Variants in ASIC2 observed in about 807,000 individuals in gnomAD.
ASIC2 encodes acid sensing ion channel subunit 2, also known as acid-sensing ion channel 2.
In ASIC2, 25 loss-of-function variants were observed where a neutral mutation model predicts 57.3. That is an observed-to-expected ratio of 0.44 (90% CI 0.32 to 0.61). The LOEUF (loss-of-function observed/expected upper bound fraction) is 0.61. Among genes scored for constraint, ASIC2 ranks in the 20% least tolerant of loss-of-function variants. ASIC2 has a pLI of 0.06. For synonymous variants in ASIC2, 319 were observed against 307.5 expected (o/e 1.04, Z -0.39); for missense variants, 641 against 738.1 (o/e 0.87, Z 1.52).
chr17:33,203,623 A>G (rs2142080776), intron 1 of ASIC2, among the ~76,000 whole-genome samples: 1 of 151,978 alleles, frequency 6.6e-6, no homozygotes, highest in Non-Finnish European at 1.5e-5. Context: ...AATGACCATC[A>G]GTGGCCTCTT....
intron 1 of ASIC2, among the ~76,000 whole-genome samples, chr17:33,180,361 G>T (rs958897694): frequency 6.6e-6 from 1 of 152,222 alleles, no homozygotes; most frequent in Admixed American, 6.5e-5. Context: ...AGGGTAACCA[G>T]ACAGTGCCTT....
In ASIC2 at chr17:33,741,981, C is replaced by T. The variant is rs139771035; in HGVS notation, c.555+413997G>A. On this transcript the variant is annotated intron_variant, in intron 1 of 9. Transcript: ENST00000359872. ...CTGTTATTCCTACCATGAGGAAAGG[C>T]CAGTGGTCAAAGGTCTAGGCCTGGC... Among the ~76,000 whole-genome samples the T allele has an allele frequency of 3.7e-4, 56 of 152,310 alleles. No homozygotes were observed. In the East Asian group the frequency reaches 0.01, roughly 28 times the overall value.
chr17:33,354,709 T>G lies in ASIC2; in HGVS notation c.556-242642A>C, dbSNP rs529046345. Among the ~76,000 whole-genome samples the G allele has an allele frequency of 2.0e-5, 3 of 152,234 alleles. No homozygotes were observed. In the South Asian group the frequency reaches 6.2e-4, roughly 32 times the overall value. ...TGGGCCCCTACTCATCCTTCCAGTC[T>G]CAACTCAACATCACTTTTGCTCCTG... On this transcript the variant is annotated intron_variant, in intron 1 of 9. Coordinates refer to the ASIC2 transcript ENST00000359872.
chr17:33,046,581 C>A (rs1019275104), intron 3 of ASIC2, among the ~76,000 whole-genome samples: 13 of 152,078 alleles, frequency 8.5e-5, no homozygotes, highest in Non-Finnish European at 1.5e-4. Context: ...CCTCTGCAGC[C>A]CGCCTGTCCT....
chr17:33,350,354 G>A (rs1908112921), intron 1 of ASIC2, among the ~76,000 whole-genome samples: 1 of 152,042 alleles, frequency 6.6e-6, no homozygotes, highest in South Asian at 2.1e-4. Flanking sequence ...ACGATCCTTG[G>A]GCATTTTAGA....
At chr17:33,931,077 T>C (rs1915921434) in intron 1 of ASIC2, 2 of 152,094 alleles carry the variant, frequency 1.3e-5, no homozygotes, top group South Asian at 4.1e-4. Context: ...TTACTTTGCA[T>C]CTCTTCCTAT....
chr17:33,894,581 G>C (rs1320099631), intron 1 of ASIC2, among the ~76,000 whole-genome samples: 1 of 152,126 alleles, frequency 6.6e-6, no homozygotes, highest in African/African-American at 2.4e-5. Context: ...TTGAATTTCA[G>C]CCTCAATACT....
chr17:33,118,806 GCACATGC>G (rs2092290488), intron 1 of ASIC2, among the ~76,000 whole-genome samples: 1 of 152,072 alleles, frequency 6.6e-6, no homozygotes, highest in Non-Finnish European at 1.5e-5. Context: ...CCTTCTGTTT[GCACATGC>G]CAGGGCTTGG....
chr17:33,155,087 C>T (rs989901940), intron 1 of ASIC2, among the ~76,000 whole-genome samples: 4 of 152,222 alleles, frequency 2.6e-5, no homozygotes, highest in African/African-American at 9.7e-5. Flanking sequence ...CAGCTGGAGT[C>T]CCAAGACTTC....
intron 1 of ASIC2, among the ~76,000 whole-genome samples, chr17:33,763,660 C>T (rs759130453): frequency 9.2e-5 from 14 of 152,152 alleles, no homozygotes; most frequent in African/African-American, 1.4e-4. Context: ...GAGCCACTGC[C>T]GGACACATTT....
At chr17:34,096,856 CAAAAAAAAAAAAA>C (rs71286247) in intron 1 of ASIC2, among the ~76,000 whole-genome samples, 492 of 30,140 alleles carry the variant, frequency 0.016, 6 homozygotes, top group East Asian at 0.15. Flanking sequence ...GACTCCATCT[CAAAAAAAAAAAAA>C]AAAAAAAAAA....
At chr17:33,131,032 C>T (rs535322160) in intron 1 of ASIC2, among the ~76,000 whole-genome samples, 1 of 152,214 alleles carries the variant, frequency 6.6e-6, no homozygotes, top group Admixed American at 6.5e-5. Context: ...ATAGGATTAC[C>T]TTACAGGGTT....
chr17:33,769,209 T>C (rs1911023287), intron 1 of ASIC2, among the ~76,000 whole-genome samples: 1 of 152,122 alleles, frequency 6.6e-6, no homozygotes. Flanking sequence ...CATTGGGGTG[T>C]GGACAGTGGA....
intron 1 of ASIC2, among the ~76,000 whole-genome samples, chr17:33,288,697 G>A (rs1181937793): frequency 6.7e-6 from 1 of 148,262 alleles, no homozygotes; most frequent in African/African-American, 2.5e-5. Context: ...GCTCAGCAGA[G>A]TTTTCAGAGC....
chr17:33,750,884 C>A (rs1910409850), intron 1 of ASIC2, among the ~76,000 whole-genome samples: 1 of 152,122 alleles, frequency 6.6e-6, no homozygotes, highest in Admixed American at 6.5e-5. Flanking sequence ...ACACATCCAT[C>A]CAGTTTCCTG....
chr17:33,693,055 T>C (rs1304852618), intron 1 of ASIC2, among the ~76,000 whole-genome samples: 1 of 152,216 alleles, frequency 6.6e-6, no homozygotes, highest in Non-Finnish European at 1.5e-5. Context: ...TGCCTCAATG[T>C]TTATCACATA....
At chr17:33,158,137 A>G (rs767022555) in intron 1 of ASIC2, among the ~76,000 whole-genome samples, 2 of 152,204 alleles carry the variant, frequency 1.3e-5, no homozygotes, top group Non-Finnish European at 2.9e-5. Flanking sequence ...GCTCATCACC[A>G]TCTGGTATCC....
intron 1 of ASIC2, among the ~76,000 whole-genome samples, chr17:33,568,579 C>T (rs1046376885): frequency 5.3e-5 from 8 of 152,086 alleles, no homozygotes; most frequent in African/African-American, 1.9e-4. Context: ...ACACCATTCA[C>T]GACCCTCGAG....
Position 34,022,506 on chromosome 17 carries a change from T to A in ASIC2, c.555+133472A>T, listed in dbSNP as rs529128987. 3.3e-5 allele frequency among the ~76,000 whole-genome samples: 5 copies of A among 152,108 alleles called. No homozygotes were observed. In the East Asian group the frequency reaches 7.7e-4, roughly 24 times the overall value. On this transcript the variant is annotated intron_variant, in intron 1 of 9. Coordinates refer to the ASIC2 transcript ENST00000359872. ...GTATCCACCCTTGAAATTCTCTATA[T>A]CTCTTAATAGCTACCACTTAATTAG...
Sources: gnomAD v4.1 joint callset for allele counts (sites outside exome capture counted in the v4.1 genomes callset) on GRCh38, gnomAD v4.1.1 for gene constraint, MANE v1.5 for transcripts, NCBI Gene and HGNC (gene_info 2026-07-23, HGNC 2026-07-21) for gene names.